The following ITGA9 variants were observed in gnomAD, a reference collection of about 807,000 sequenced individuals.
The protein encoded by ITGA9 is integrin alpha-9.
A neutral mutation model predicts 127.8 loss-of-function variants in ITGA9; 56 were observed. The ratio of observed to expected loss-of-function variants is 0.44; its 90% confidence interval spans 0.35 to 0.55. The LOEUF (loss-of-function observed/expected upper bound fraction) is 0.55, where lower values mean the gene tolerates loss of function less well. Among genes scored for constraint, ITGA9 ranks in the 20% least tolerant of loss-of-function variants. The pLI is 0.00. For synonymous variants in ITGA9, 508 were observed against 514.5 expected, an observed-to-expected ratio of 0.99 and a Z score of 0.17; for missense variants, 1,196 against 1,347.1, an observed-to-expected ratio of 0.89 and a Z score of 1.76.
intron 18 of ITGA9, among the ~76,000 whole-genome samples, chr3:37,698,032 T>C (rs1575197697): frequency 6.6e-6 from 1 of 152,264 alleles, no homozygotes; most frequent in East Asian, 1.9e-4. Context: ...CCATTCTAAC[T>C]GGTGTGAGAT....
chr3:37,760,056 C>A (rs901784050), intron 23 of ITGA9, among the ~76,000 whole-genome samples: 2 of 151,404 alleles, frequency 1.3e-5, no homozygotes, highest in African/African-American at 4.9e-5. Context: ...CCCATCTCTA[C>A]CAAAAATACA....
chr3:37,505,204 A>G (rs866180532), intron 6 of ITGA9, among the ~76,000 whole-genome samples: 2 of 152,158 alleles, frequency 1.3e-5, no homozygotes, highest in Non-Finnish European at 2.9e-5. Context: ...TTGCTGTGTG[A>G]TCTTTGGCAT....
intron 18 of ITGA9, among the ~76,000 whole-genome samples, chr3:37,703,073 C>T (rs1484359316): frequency 2.0e-5 from 3 of 152,206 alleles, no homozygotes; most frequent in Admixed American, 6.5e-5. Flanking sequence ...ATATTTTACT[C>T]ATAAATTCTC....
intron 4 of ITGA9, among the ~76,000 whole-genome samples, chr3:37,482,687 T>C (rs1260291562): frequency 6.6e-6 from 1 of 152,146 alleles, no homozygotes; most frequent in Non-Finnish European, 1.5e-5. Context: ...TTCTGGGTAC[T>C]GAGGTGACAC....
rs1698200664 is a variant in ITGA9 at position 37,452,356 on chromosome 3, A to G, written c.-19A>G. The G allele has an allele frequency of 2.6e-6, 3 of 1,154,010 alleles. No individual in the cohort carries two copies. Among genetic ancestry groups the G allele is most frequent in the Non-Finnish European group, 3.2e-6 (3 of 940,964 alleles). The allele number at this position is 1,154,010 out of a possible 1,614,324, so 71.5% of individuals were successfully genotyped here. Reference sequence around the variant, plus strand: ...CGCCCTGCTCGCCGGGCAGAGGGGAAGGCGGCGGCCGGCTGGGGATGGGCG... The same window carrying G: ...CGCCCTGCTCGCCGGGCAGAGGGGAGGGCGGCGGCCGGCTGGGGATGGGCG... On this transcript the variant is annotated 5_prime_UTR_variant, in exon 1 of 28. Transcript: ENST00000264741. The surrounding 1 kb of genome is among the most constrained non-coding windows in gnomAD (Gnocchi z 7.3).
chr3:37,481,188 C>T (rs900391403), intron 3 of ITGA9, among the ~76,000 whole-genome samples: 1 of 152,204 alleles, frequency 6.6e-6, no homozygotes, highest in African/African-American at 2.4e-5. Flanking sequence ...CTATCCTTCC[C>T]ACTCCCAGAT....
At position 37,462,429 on chromosome 3, in the gene ITGA9, A is replaced by G. The variant is rs538889378; in HGVS notation, c.186-8578A>G. Among the ~76,000 whole-genome samples, 8 of 152,326 alleles carry G rather than the reference A, an allele frequency of 5.3e-5. No homozygotes were observed. In the South Asian group the frequency reaches 1.2e-3, roughly 24 times the overall value. On this transcript the variant is annotated intron_variant, in intron 1 of 27. Transcript: ENST00000264741. Reference sequence around the variant, plus strand: ...AATTATTATTGCCAACCTTTTATGAATACTTTCTATATGCCAGAACCACTG... The same window carrying G: ...AATTATTATTGCCAACCTTTTATGAGTACTTTCTATATGCCAGAACCACTG...
At chr3:37,577,871 T>C (rs923172338) in intron 15 of ITGA9, among the ~76,000 whole-genome samples, 2 of 152,254 alleles carry the variant, frequency 1.3e-5, no homozygotes, top group Non-Finnish European at 2.9e-5. Flanking sequence ...GAGCCCTTTA[T>C]GATTCGTGTG....
intron 15 of ITGA9, among the ~76,000 whole-genome samples, chr3:37,627,700 G>A (rs892338880): frequency 1.3e-5 from 2 of 152,194 alleles, no homozygotes; most frequent in Non-Finnish European, 2.9e-5. Context: ...TACAGTTTGT[G>A]GATGGGCTGC....
At chr3:37,678,958 T>C (rs1700708808) in intron 17 of ITGA9, among the ~76,000 whole-genome samples, 2 of 152,146 alleles carry the variant, frequency 1.3e-5, no homozygotes, top group African/African-American at 4.8e-5. Context: ...GAATTGGTGC[T>C]AAACTTAAGT....
chr3:37,673,543 A>G (rs113152484), intron 17 of ITGA9, among the ~76,000 whole-genome samples: 44 of 152,326 alleles, frequency 2.9e-4, no homozygotes, highest in African/African-American at 9.9e-4. Flanking sequence ...TGGCAGTCCC[A>G]GTCCCAGTCA....
chr3:37,526,864 C>G (rs1391882166), intron 13 of ITGA9, among the ~76,000 whole-genome samples: 3 of 152,222 alleles, frequency 2.0e-5, no homozygotes, highest in African/African-American at 7.2e-5. Context: ...TCAGCGGTAC[C>G]TTCTGCTGGT....
chr3:37,529,590 G>C (rs529798842), intron 13 of ITGA9, among the ~76,000 whole-genome samples: 4 of 152,354 alleles, frequency 2.6e-5, no homozygotes, highest in South Asian at 4.1e-4. Context: ...GGAAGCTCTA[G>C]ATCAGTGATT....
chr3:37,530,717 G>GTTTTTTTTTTTTTTT (rs71094916), intron 13 of ITGA9, among the ~76,000 whole-genome samples: 1 of 86,254 alleles, frequency 1.2e-5, no homozygotes, highest in Non-Finnish European at 2.1e-5. Flanking sequence ...CAGCTACCAG[G>GTTTTTTTTTTTTTTT]TTTTTTTTTT....
At chr3:37,627,399 A>T (rs1024076990) in intron 15 of ITGA9, among the ~76,000 whole-genome samples, 1 of 151,536 alleles carries the variant, frequency 6.6e-6, no homozygotes, top group Non-Finnish European at 1.5e-5. Context: ...GCTGCGGGAG[A>T]TTTCCAGTCT....
At chr3:37,737,911 G>C (rs997277945) in intron 20 of ITGA9, among the ~76,000 whole-genome samples, 1 of 152,078 alleles carries the variant, frequency 6.6e-6, no homozygotes, top group African/African-American at 2.4e-5. Context: ...TTAACCATGT[G>C]AAAGTTGCAG....
At chr3:37,470,140 GTTTT>G (rs71288094) in intron 1 of ITGA9, among the ~76,000 whole-genome samples, 2 of 133,100 alleles carry the variant, frequency 1.5e-5, no homozygotes, top group African/African-American at 5.6e-5. Context: ...GTTTCTTCTT[GTTTT>G]TTTTTTTTTT....
At chr3:37,734,147 C>T (rs1381727441) in intron 19 of ITGA9, among the ~76,000 whole-genome samples, 1 of 152,242 alleles carries the variant, frequency 6.6e-6, no homozygotes, top group Non-Finnish European at 1.5e-5. Context: ...GCCTCTCTTC[C>T]TCATTCTGTC....
At chr3:37,691,470 G>T (rs745635706) in intron 18 of ITGA9, among the ~76,000 whole-genome samples, 4 of 152,152 alleles carry the variant, frequency 2.6e-5, no homozygotes, top group Non-Finnish European at 5.9e-5. Context: ...CAGGCTCACA[G>T]CAGCATTCAG....
Sources: allele counts gnomAD v4.1 joint callset (sites outside exome capture counted in the v4.1 genomes callset), GRCh38; gene constraint gnomAD v4.1.1; non-coding constraint Gnocchi (gnomAD v3.1); transcripts MANE v1.5; gene names NCBI Gene and HGNC (gene_info 2026-07-23, HGNC 2026-07-21).